ASB15: variants seen among roughly 807,000 people sequenced by gnomAD.
ASB15 encodes the protein ankyrin repeat and SOCS box containing 15, also known as ankyrin repeat and SOCS box protein 15.
Under a neutral mutation model 58.0 loss-of-function variants are expected in ASB15, and 54 were observed. That is an observed-to-expected ratio of 0.93 (90% CI 0.75 to 1.17). The LOEUF is 1.17. Ranked by LOEUF, ASB15 falls within the 50% of genes most tolerant of loss-of-function variation. The probability of loss-of-function intolerance (pLI) is 0.00; values close to 1 mark genes in which losing one functional copy is unlikely to be tolerated. For synonymous variants in ASB15, 249 were observed against 262.4 expected (o/e 0.95, Z 0.50); for missense variants, 680 against 707.4 (o/e 0.96, Z 0.44).
In ASB15 at chr7:123,629,043, G is replaced by A; in HGVS notation, c.1049G>A (p.Arg350Lys). The change falls in exon 10 of 12, where the codon AGG becomes AAG. Residue 350 changes from arginine to lysine, a missense_variant. Coordinates refer to ENST00000451215, the MANE Select transcript of ASB15 (RefSeq NM_001290258.2). ...DHISQSYDDE[R>K]KTALYFGVSN... The stretch of plus-strand genomic sequence containing the variant: ...ATTTCCCAGAGCTATGACGATGAGA[G>A]GAAGACTGCGCTGTATTTTGGCGTT... 1.2e-6 allele frequency: 2 copies of A among 1,613,710 alleles called. No homozygotes were observed. Among genetic ancestry groups the A allele is most frequent in the Non-Finnish European group, 1.7e-6 (2 of 1,179,842 alleles).
chr7:123,567,664 G>T (rs960671220), intron 1 of ASB15, among the ~76,000 whole-genome samples: 2 of 152,132 alleles, frequency 1.3e-5, no homozygotes, highest in Admixed American at 1.3e-4. Flanking sequence ...CAGGAAGAAA[G>T]CATCTCAATT....
At chr7:123,575,009 C>A (rs991662012) in intron 1 of ASB15, among the ~76,000 whole-genome samples, 1 of 151,064 alleles carries the variant, frequency 6.6e-6, no homozygotes, top group Non-Finnish European at 1.5e-5. Context: ...TGATCCTTTT[C>A]CCTAAGCAAT....
chr7:123,596,442 C>G (rs1023886733), intron 1 of ASB15: 13 of 151,488 alleles, frequency 8.6e-5, no homozygotes, highest in African/African-American at 3.2e-4. Context: ...CCCATCTCTA[C>G]AAAAGAAATA....
chr7:123,630,073 T>G lies in ASB15; in HGVS notation c.1548T>G (p.Ser516=). ...TTCCTCTGTGTGCTAAACTGAAGTC[T>G]GCACTAGAAGTACAGAGAGAATGGC... is the stretch of plus-strand genomic sequence containing the variant. ...DYVPLCAKLK[S]ALEVQREWPE... The change falls in exon 11 of 12, where the codon TCT becomes TCG. Residue 516 remains serine (S), a synonymous_variant. Transcript: ENST00000451215. 6.2e-7 allele frequency: 1 copy of G among 1,608,832 alleles called. No homozygotes were observed.
chr7:123,580,119 T>G (rs1176126824), intron 1 of ASB15, among the ~76,000 whole-genome samples: 1 of 151,996 alleles, frequency 6.6e-6, no homozygotes, highest in Non-Finnish European at 1.5e-5. Context: ...AAATTGGGTC[T>G]TAAATTAGCA....
intron 7 of ASB15, among the ~76,000 whole-genome samples, chr7:123,624,163 AC>A (rs1801610061): frequency 6.6e-6 from 1 of 152,170 alleles, no homozygotes; most frequent in African/African-American, 2.4e-5. Context: ...ATAGCCAGTT[AC>A]TGAGCTCCTG....
rs1307741064 is a variant in ASB15, at chr7:123,624,676, C to T, written c.559C>T (p.Gln187Ter). Residue 187 changes from glutamine to a stop codon, truncating the protein, a stop_gained, in exon 8 of 12, where the codon CAA becomes TAA. Coordinates refer to ENST00000451215, the MANE Select transcript of ASB15 (RefSeq NM_001290258.2). LOFTEE classifies it high-confidence loss of function. Reference protein sequence around the residue: ...RWSAMHEAAKQGRKDIVALLL... With the variant: ...RWSAMHEAAK ...GTCAGCAATGCATGAAGCAGCCAAG[C>T]AAGGCCGAAAAGATATCGTAGCTCT... 1 of 1,614,016 alleles carries T rather than the reference C, an allele frequency of 6.2e-7. No individual in the cohort carries two copies. The highest frequency in any genetic ancestry group is 1.3e-5 in the African/African-American group (1 of 74,912).
intron 2 of ASB15, among the ~76,000 whole-genome samples, chr7:123,605,253 C>T (rs1310532309): frequency 6.6e-6 from 1 of 152,078 alleles, no homozygotes; most frequent in Admixed American, 6.6e-5. Flanking sequence ...CTCAACATCC[C>T]TAATCATTAG....
At position 123,634,230 on chromosome 7, in the gene ASB15, T is replaced by A. The variant is rs550543810; in HGVS notation, c.1595-2579T>A. 1.3e-4 allele frequency among the ~76,000 whole-genome samples: 20 copies of A among 151,808 alleles called. No individual in the cohort carries two copies. In the South Asian group the frequency reaches 4.2e-3, roughly 32 times the overall value. On this transcript the variant is annotated intron_variant, in intron 11 of 11. Transcript: ENST00000451215. The stretch of plus-strand genomic sequence containing the variant: ...CCCCCCCGACAGGCCCCACCCAGTA[T>A]GTGCTGTTCCCCTCCATGTGTCTGT...
At position 123,630,078 on chromosome 7, in the gene ASB15, T is replaced by C; in HGVS notation, c.1553T>C (p.Leu518Pro). The change falls in exon 11 of 12, where the codon CTA (leucine) becomes CCA (proline). Residue 518 changes from leucine to proline, a missense_variant. By Grantham distance (98) the Leu-to-Pro change is moderately conservative. Transcript: ENST00000451215. ...VPLCAKLKSA[L>P]EVQREWPEIR... ...CTGTGTGCTAAACTGAAGTCTGCACTAGAAGTACAGAGAGAATGGCCAGAA... is the reference window on the plus strand; with the variant it reads ...CTGTGTGCTAAACTGAAGTCTGCACCAGAAGTACAGAGAGAATGGCCAGAA... 7 of 1,606,568 alleles carry C rather than the reference T, an allele frequency of 4.4e-6. No individual in the cohort carries two copies. The highest frequency in any genetic ancestry group is 6.0e-6 in the Non-Finnish European group (7 of 1,175,176).
intron 7 of ASB15, among the ~76,000 whole-genome samples, chr7:123,620,928 G>T (rs1317734686): frequency 6.6e-6 from 1 of 151,798 alleles, no homozygotes; most frequent in East Asian, 2.0e-4. Flanking sequence ...CACCTGTGTT[G>T]TTTCTATAGA....
At chr7:123,576,003 AT>A (rs902774449) in intron 1 of ASB15, among the ~76,000 whole-genome samples, 1 of 151,214 alleles carries the variant, frequency 6.6e-6, no homozygotes, top group Non-Finnish European at 1.5e-5. Context: ...CTTCAGCTTC[AT>A]TCCTTAGGGT....
intron 1 of ASB15, among the ~76,000 whole-genome samples, chr7:123,570,478 C>T (rs1459822509): frequency 6.6e-6 from 1 of 151,856 alleles, no homozygotes; most frequent in African/African-American, 2.4e-5. Flanking sequence ...CATGTGATGC[C>T]TCCTTGAATG....
chr7:123,588,218 G>A (rs1799429571), intron 1 of ASB15, among the ~76,000 whole-genome samples: 1 of 151,706 alleles, frequency 6.6e-6, no homozygotes. Flanking sequence ...TCTCATTTTG[G>A]TCTATTCAGA....
intron 8 of ASB15, chr7:123,625,069 G>A (rs1801687507): frequency 2.4e-6 from 1 of 424,746 alleles, no homozygotes. Context: ...AGTTCAATCT[G>A]CACATAGATG....
intron 1 of ASB15, among the ~76,000 whole-genome samples, chr7:123,602,379 T>A (rs12535665): frequency 0.3 from 45,002 of 151,908 alleles, 6,825 homozygotes; most frequent in East Asian, 0.4. Flanking sequence ...TTAGATTTTT[T>A]AAAAAATAAA....
chr7:123,624,285 G>T (rs1801618401), intron 7 of ASB15, among the ~76,000 whole-genome samples: 2 of 152,132 alleles, frequency 1.3e-5, no homozygotes, highest in Non-Finnish European at 2.9e-5. Flanking sequence ...TTTGGAAAGA[G>T]GGCACACAGC....
At chr7:123,598,441 C>T (rs1043107898), upstream of ASB15, among the ~76,000 whole-genome samples, 1 of 152,018 alleles carries the variant, frequency 6.6e-6, no homozygotes, top group African/African-American at 2.4e-5. Flanking sequence ...AAGTTTGTTT[C>T]TCTTAGATAC....
chr7:123,591,296 T>A (rs1184033931), intron 1 of ASB15, among the ~76,000 whole-genome samples: 1 of 152,208 alleles, frequency 6.6e-6, no homozygotes, highest in Non-Finnish European at 1.5e-5. Context: ...TATATTTCTT[T>A]ATCTTGCCTG....
Sources: allele counts gnomAD v4.1 joint callset (sites outside exome capture counted in the v4.1 genomes callset), GRCh38; gene constraint gnomAD v4.1.1; transcripts MANE v1.5; gene names NCBI Gene and HGNC (gene_info 2026-07-23, HGNC 2026-07-21).